The following AK7 variants were observed in gnomAD, a reference collection of about 807,000 sequenced individuals.
AK7 encodes adenylate kinase 7.
AK7 carries 78 observed loss-of-function variants against 96.6 expected under a neutral mutation model. That is an observed-to-expected ratio of 0.81 (90% confidence interval 0.67 to 0.97). The LOEUF is 0.97. AK7 is among the 50% of genes least tolerant of loss of function. AK7 has a pLI of 0.00. For missense variants in AK7, 855 were observed against 887.9 expected (o/e 0.96, Z 0.47); for synonymous variants, 302 against 317.2 (o/e 0.95, Z 0.51).
chr14:96,420,933 G>C lies in AK7; in HGVS notation c.609+1G>C. ...AATGGTTCTCAAATTTGGAAAAAAGGTAAGTCTGGCATAGTGGAACATGGA... is the reference window on the plus strand; with the variant it reads ...AATGGTTCTCAAATTTGGAAAAAAGCTAAGTCTGGCATAGTGGAACATGGA... On this transcript the variant is annotated splice_donor_variant, in intron 5 of 17. Coordinates refer to ENST00000267584, the MANE Select transcript of AK7 (RefSeq NM_152327.5). LOFTEE classifies it high-confidence loss of function. The C allele has an allele frequency of 6.3e-7, 1 of 1,585,526 alleles. No individual in the cohort carries two copies. Among genetic ancestry groups the C allele is most frequent in the East Asian group, 2.2e-5 (1 of 44,698 alleles).
In AK7 at chr14:96,458,131, G is replaced by A. The variant is rs149622950; in HGVS notation, c.1276G>A (p.Glu426Lys). 89 of 1,613,984 alleles carry A rather than the reference G, an allele frequency of 5.5e-5. No homozygotes were observed. The highest frequency in any genetic ancestry group is 1.7e-4 in the Middle Eastern group (1 of 6,048). ...TGTAGGGGAAGGAGAAGAAGAAGTC[G>A]AAGAGGAAGAGGAGGAGGAGAATGT... ...NDVGEGEEEV[E>K]EEEEEENVED... The change falls in exon 12 of 18, where the codon GAA becomes AAA. Residue 426 changes from glutamate (E) to lysine (K), a missense_variant. Glu to Lys is a moderately conservative substitution (Grantham distance 56, BLOSUM62 1). Coordinates refer to ENST00000267584, the MANE Select transcript of AK7 (RefSeq NM_152327.5).
At chr14:96,454,737 G>A (rs1277765254) in intron 10 of AK7, among the ~76,000 whole-genome samples, 1 of 151,758 alleles carries the variant, frequency 6.6e-6, no homozygotes, top group Non-Finnish European at 1.5e-5. Flanking sequence ...TAGAGAGGGG[G>A]ACCTCACTAT....
chr14:96,482,211 A>G (rs568661004), intron 15 of AK7, among the ~76,000 whole-genome samples: 6 of 151,950 alleles, frequency 3.9e-5, no homozygotes, highest in Non-Finnish European at 5.9e-5. Context: ...CAGCCTGGGC[A>G]ACATGGGGAG....
intron 5 of AK7, among the ~76,000 whole-genome samples, chr14:96,428,071 G>A (rs1239966741): frequency 6.6e-6 from 1 of 151,908 alleles, no homozygotes; most frequent in African/African-American, 2.4e-5. Flanking sequence ...CCATTAATTC[G>A]TCATTTACAT....
intron 5 of AK7, among the ~76,000 whole-genome samples, chr14:96,429,594 G>A (rs1216852395): frequency 2.0e-5 from 3 of 152,184 alleles, no homozygotes; most frequent in Middle Eastern, 3.2e-3. Context: ...CTGTCCATGA[G>A]CATGGAATGT....
chr14:96,398,354 C>T, intron 2 of AK7, 91 bp downstream of exon 2: 1 of 1,366,234 alleles, frequency 7.3e-7, no homozygotes, highest in Admixed American at 1.8e-5. Flanking sequence ...TGTTTGCCTC[C>T]CCTCCCCTCT....
At chr14:96,428,533 C>T (rs1430724315) in intron 5 of AK7, among the ~76,000 whole-genome samples, 5 of 152,288 alleles carry the variant, frequency 3.3e-5, no homozygotes, top group African/African-American at 1.2e-4. Context: ...CTTGAGGAAT[C>T]GCCACACTGT....
chr14:96,484,361 A>G (rs1447362189), intron 16 of AK7, among the ~76,000 whole-genome samples: 1 of 151,762 alleles, frequency 6.6e-6, no homozygotes, highest in Non-Finnish European at 1.5e-5. Context: ...GTCCTCCCCA[A>G]CTCCACCCTG....
At chr14:96,478,963 C>T (rs1895352451) in intron 15 of AK7, among the ~76,000 whole-genome samples, 1 of 151,030 alleles carries the variant, frequency 6.6e-6, no homozygotes, top group African/African-American at 2.4e-5. Context: ...AGCTGGAGTG[C>T]AGTGGTGCAA....
At chr14:96,469,386 G>C (rs73351145) in intron 12 of AK7, among the ~76,000 whole-genome samples, 6,952 of 152,070 alleles carry the variant, frequency 0.046, 269 homozygotes, top group African/African-American at 0.1. Flanking sequence ...TTAGCTGGGC[G>C]TAGTGGTGCA....
intron 5 of AK7, 39 bp from the exon 6 acceptor site, chr14:96,437,796 A>G (rs930812163): frequency 2.0e-6 from 3 of 1,508,870 alleles, no homozygotes; most frequent in Non-Finnish European, 2.7e-6. Context: ...GACTAATAAT[A>G]TTACATCCAG....
At chr14:96,471,007 T>C (rs777746332) in intron 12 of AK7, among the ~76,000 whole-genome samples, 3 of 152,194 alleles carry the variant, frequency 2.0e-5, no homozygotes, top group Non-Finnish European at 4.4e-5. Flanking sequence ...CCTACATTAC[T>C]GTGCATTAGA....
intron 1 of AK7, 88 bp from the exon 2 acceptor site, chr14:96,397,987 G>T: frequency 7.2e-7 from 1 of 1,385,624 alleles, no homozygotes. Flanking sequence ...GCAAGCACTC[G>T]GGAAAGGTAA....
chr14:96,437,811 T>C, intron 5 of AK7, 24 bp from the exon 6 acceptor site: 1 of 1,573,798 alleles, frequency 6.4e-7, no homozygotes, highest in Middle Eastern at 1.7e-4. Flanking sequence ...ATCCAGCTTT[T>C]TTTTTCTGTA....
At chr14:96,423,897 A>G in intron 5 of AK7, 1 of 1,005,586 alleles carries the variant, frequency 9.9e-7, no homozygotes, top group Non-Finnish European at 1.6e-6. Flanking sequence ...CCCCGAGCCC[A>G]CATAATCCGG....
intron 17 of AK7, 121 bp downstream of exon 17, chr14:96,487,177 C>T (rs1276532225): frequency 3.4e-5 from 33 of 966,714 alleles, no homozygotes; most frequent in Non-Finnish European, 4.8e-5. Flanking sequence ...GAGTTAGAGA[C>T]CACCCTGCCA....
chr14:96,456,103 G>C (rs771870714), intron 10 of AK7, among the ~76,000 whole-genome samples: 20 of 152,070 alleles, frequency 1.3e-4, no homozygotes, highest in Non-Finnish European at 2.6e-4. Context: ...GCTGGGCATG[G>C]TGGTGCGCAC....
chr14:96,489,146 A>G lies in AK7; in HGVS notation c.*803A>G, dbSNP rs1056199929. The stretch of plus-strand genomic sequence containing the variant: ...TTATCTCTTTAAATAATGTAACCTA[A>G]TATAACTGCCCGACTTTTTATTTGT... On this transcript the variant is annotated 3_prime_UTR_variant, in exon 18 of 18. Transcript: ENST00000267584. The G allele has an allele frequency of 6.6e-6, 1 of 152,230 alleles. No homozygotes were observed. Among genetic ancestry groups the G allele is most frequent in the Non-Finnish European group, 1.5e-5 (1 of 68,044 alleles). The allele number at this position is 152,230 out of a possible 1,614,324, so 9.4% of individuals were successfully genotyped here.
At chr14:96,437,536 T>C (rs1892705794) in intron 5 of AK7, among the ~76,000 whole-genome samples, 1 of 152,148 alleles carries the variant, frequency 6.6e-6, no homozygotes, top group African/African-American at 2.4e-5. Context: ...TTTTTCTTTC[T>C]CTTTTCCCCC....
Sources: allele counts gnomAD v4.1 joint callset (sites outside exome capture counted in the v4.1 genomes callset), GRCh38; gene constraint gnomAD v4.1.1; transcripts MANE v1.5; gene names NCBI Gene and HGNC (gene_info 2026-07-23, HGNC 2026-07-21).